ZNF367: variants seen among roughly 807,000 people sequenced by gnomAD.
The protein encoded by ZNF367 is zinc finger protein 367, also known as C2H2 zinc finger protein ZFF29.
A neutral mutation model predicts 31.8 loss-of-function variants in ZNF367; 11 were observed. The observed-to-expected ratio is 0.35, with a 90% CI of 0.22 to 0.57. The LOEUF (loss-of-function observed/expected upper bound fraction) is 0.57. Ranked by LOEUF, ZNF367 falls within the 20% of genes least tolerant of loss-of-function variation. ZNF367 has a pLI of 0.85. For missense variants in ZNF367, 353 were observed against 484.1 expected, an observed-to-expected ratio of 0.73 and a Z score of 2.54; for synonymous variants, 199 against 202.4, an observed-to-expected ratio of 0.98 and a Z score of 0.14.
chr9:96,400,392 C>CAAAAAAAAAAAA (rs57650386), intron 1 of ZNF367, among the ~76,000 whole-genome samples: 3 of 71,870 alleles, frequency 4.2e-5, no homozygotes, highest in South Asian at 4.9e-4. Context: ...GACCCTGTCT[C>CAAAAAAAAAAAA]AAAAAAAAAA....
At chr9:96,413,776 T>C (rs530930408) in intron 1 of ZNF367, among the ~76,000 whole-genome samples, 78 of 152,236 alleles carry the variant, frequency 5.1e-4, no homozygotes, top group African/African-American at 1.7e-3. Context: ...GGAGGCAGTG[T>C]TGGGCAGGAA....
intron 1 of ZNF367, among the ~76,000 whole-genome samples, chr9:96,413,463 G>A (rs1321072738): frequency 1.3e-5 from 2 of 152,172 alleles, no homozygotes; most frequent in Admixed American, 6.5e-5. Flanking sequence ...GAAGTGTTCA[G>A]GTGACACAGA....
chr9:96,405,314 C>CA (rs975848691), intron 1 of ZNF367, among the ~76,000 whole-genome samples: 3,704 of 53,646 alleles, frequency 0.069, 127 homozygotes, highest in African/African-American at 0.12. Context: ...AACTCTGTCT[C>CA]AAAAAAAAAA....
rs1380014552 is a variant in ZNF367, at chr9:96,408,644, TAG to T, written c.420+8967_420+8968del. ...GGGGGAAAGGCAAGTTCAGTGAGTA[TAG>T]AGTTTGTTTTACAAGATGAATAAAT... On this transcript the variant is annotated intron_variant, in intron 1 of 4. Transcript: ENST00000375256. Among the ~76,000 whole-genome samples the T allele has an allele frequency of 3.3e-5, 5 of 152,282 alleles. No homozygotes were observed. In the South Asian group the frequency reaches 6.2e-4, roughly 19 times the overall value.
At chr9:96,409,283 G>A (rs1413951934) in intron 1 of ZNF367, among the ~76,000 whole-genome samples, 1 of 152,126 alleles carries the variant, frequency 6.6e-6, no homozygotes, top group Non-Finnish European at 1.5e-5. Flanking sequence ...TTATAGCAAT[G>A]CAAAATGGAC....
chr9:96,407,178 T>G, intron 1 of ZNF367: 1 of 677,198 alleles, frequency 1.5e-6, no homozygotes, highest in Non-Finnish European at 2.7e-6. Context: ...TAAATAGCTT[T>G]CCTGTCCCGG....
chr9:96,390,205 A>G (rs961641467), intron 4 of ZNF367, among the ~76,000 whole-genome samples: 28 of 152,066 alleles, frequency 1.8e-4, no homozygotes, highest in African/African-American at 2.9e-4. Flanking sequence ...CCCAGCCCCA[A>G]CAAAGCTGTT....
chr9:96,412,403 C>T (rs1477639276), intron 1 of ZNF367, among the ~76,000 whole-genome samples: 1 of 152,180 alleles, frequency 6.6e-6, no homozygotes, highest in Non-Finnish European at 1.5e-5. Context: ...GTCCTTGACA[C>T]ATTTTTATAA....
At chr9:96,392,158 C>A in intron 4 of ZNF367, 1 of 571,244 alleles carries the variant, frequency 1.8e-6, no homozygotes, top group Non-Finnish European at 3.0e-6. Flanking sequence ...AAAACTCTTC[C>A]TTTTAAAATA....
intron 3 of ZNF367, 42 bp downstream of exon 3, chr9:96,394,781 T>A: frequency 6.3e-7 from 1 of 1,579,726 alleles, no homozygotes; most frequent in Non-Finnish European, 8.6e-7. Flanking sequence ...AACTGTTAAG[T>A]CACAACTAGT....
intron 4 of ZNF367, among the ~76,000 whole-genome samples, chr9:96,389,872 G>A (rs1031680049): frequency 6.6e-6 from 1 of 151,152 alleles, no homozygotes; most frequent in South Asian, 2.1e-4. Context: ...TGGAATTATA[G>A]GCGCCCACCA....
chr9:96,401,160 AG>A (rs1831598770), intron 1 of ZNF367, among the ~76,000 whole-genome samples: 2 of 152,126 alleles, frequency 1.3e-5, no homozygotes, highest in African/African-American at 4.8e-5. Flanking sequence ...TGGGAGGTCA[AG>A]GCTGCAATGA....
At chr9:96,393,689 G>A (rs1484451321) in intron 3 of ZNF367, among the ~76,000 whole-genome samples, 2 of 151,862 alleles carry the variant, frequency 1.3e-5, no homozygotes, top group Non-Finnish European at 2.9e-5. Flanking sequence ...AAATTAACTG[G>A]GTATGGTCGC....
At chr9:96,416,262 A>G (rs1411252552) in intron 1 of ZNF367, among the ~76,000 whole-genome samples, 1 of 151,464 alleles carries the variant, frequency 6.6e-6, no homozygotes, top group Non-Finnish European at 1.5e-5. Context: ...AATTTTTTGT[A>G]TTTTGAGTAA....
chr9:96,392,594 G>A, intron 3 of ZNF367, 58 bp from the exon 4 acceptor site: 1 of 1,527,242 alleles, frequency 6.5e-7, no homozygotes, highest in South Asian at 1.3e-5. Context: ...ATAGACATGT[G>A]GAAAACATTC....
Position 96,388,374 on chromosome 9 carries a change from C to T in ZNF367, c.916G>A (p.Glu306Lys). Reference protein sequence around the residue: ...KADQEQQDPLEYLQSDEEDDE... With the variant: ...KADQEQQDPLKYLQSDEEDDE... The stretch of plus-strand genomic sequence containing the variant: ...TCCTCTTCATCAGACTGAAGGTATT[C>T]CAGAGGGTCCTGCTGCTCCTGATCA... The change falls in exon 5 of 5, where the codon GAA becomes AAA. Residue 306 changes from glutamate (E) to lysine (K), a missense_variant. Coordinates refer to ENST00000375256, the MANE Select transcript of ZNF367 (RefSeq NM_153695.4). 1.2e-6 allele frequency: 2 copies of T among 1,613,992 alleles called. No individual in the cohort carries two copies. Among genetic ancestry groups the T allele is most frequent in the Non-Finnish European group, 1.7e-6 (2 of 1,180,030 alleles).
At chr9:96,415,077 C>CA (rs1262175534) in intron 1 of ZNF367, among the ~76,000 whole-genome samples, 1 of 145,018 alleles carries the variant, frequency 6.9e-6, no homozygotes, top group Non-Finnish European at 1.5e-5. Flanking sequence ...TTTTCTGAGA[C>CA]AGAGTCTTGC....
intron 1 of ZNF367, among the ~76,000 whole-genome samples, chr9:96,399,870 G>C (rs912300648): frequency 6.6e-6 from 1 of 152,068 alleles, no homozygotes; most frequent in Non-Finnish European, 1.5e-5. Flanking sequence ...GGCTAAGAAA[G>C]AGACTTTAGA....
chr9:96,400,625 G>A (rs188115980), intron 1 of ZNF367, among the ~76,000 whole-genome samples: 2 of 151,830 alleles, frequency 1.3e-5, no homozygotes, highest in African/African-American at 2.4e-5. Context: ...CTTGAAGATA[G>A]GTCAGTTGAA....
Sources: gnomAD v4.1 joint callset for allele counts (sites outside exome capture counted in the v4.1 genomes callset) on GRCh38, gnomAD v4.1.1 for gene constraint, MANE v1.5 for transcripts, NCBI Gene and HGNC (gene_info 2026-07-23, HGNC 2026-07-21) for gene names.